The following PLA2G4A variants were observed in gnomAD, a reference collection of about 807,000 sequenced individuals.
PLA2G4A encodes the protein cytosolic phospholipase A2.
Under a neutral mutation model 81.9 loss-of-function variants are expected in PLA2G4A, and 40 were observed. The ratio of observed to expected loss-of-function variants is 0.49; its 90% CI spans 0.38 to 0.64. The LOEUF (loss-of-function observed/expected upper bound fraction) is 0.64, where lower values mean the gene tolerates loss of function less well. Ranked by LOEUF, PLA2G4A falls within the 30% of genes least tolerant of loss-of-function variation. PLA2G4A has a pLI of 0.00. For synonymous variants in PLA2G4A, 302 were observed against 296.9 expected (o/e 1.02, Z -0.18); for missense variants, 715 against 905.1 (o/e 0.79, Z 2.69).
chr1:186,870,418 T>C lies in PLA2G4A; in HGVS notation c.34-17T>C. 2.0e-6 allele frequency: 3 copies of C among 1,463,656 alleles called. No homozygotes were observed. The highest frequency in any genetic ancestry group is 2.9e-6 in the Non-Finnish European group (3 of 1,042,976). 90.7% of individuals were successfully genotyped at this position (1,463,656 alleles called of 1,614,324 possible). ...TGTTGGAAGCTTATTTTAAATTTAC[T>C]GTCATTTTATTTCCAGGTGGAGCAC... is the stretch of plus-strand genomic sequence containing the variant. On this transcript the variant is annotated splice_polypyrimidine_tract_variant and intron_variant, in intron 2 of 17. Transcript: ENST00000367466.
At chr1:186,971,426 T>C (rs1353763399) in intron 15 of PLA2G4A, among the ~76,000 whole-genome samples, 1 of 152,014 alleles carries the variant, frequency 6.6e-6, no homozygotes, top group Non-Finnish European at 1.5e-5. Context: ...TTTCTTCCCG[T>C]GCCTTTCTCC....
chr1:186,928,989 T>C (rs1655648706), intron 7 of PLA2G4A, among the ~76,000 whole-genome samples: 1 of 152,242 alleles, frequency 6.6e-6, no homozygotes, highest in Admixed American at 6.5e-5. Flanking sequence ...AACTTTCGTG[T>C]TATTTCTTTG....
chr1:186,903,708 T>A (rs147352933), intron 5 of PLA2G4A, among the ~76,000 whole-genome samples: 5 of 152,310 alleles, frequency 3.3e-5, no homozygotes, highest in African/African-American at 1.2e-4. Flanking sequence ...CACCCCCACA[T>A]GGAAGGCTTA....
At chr1:186,837,582 A>C (rs1401738358) in intron 1 of PLA2G4A, among the ~76,000 whole-genome samples, 1 of 150,440 alleles carries the variant, frequency 6.6e-6, no homozygotes, top group African/African-American at 2.5e-5. Context: ...AAAAAAATAC[A>C]AAAAATTAGC....
intron 14 of PLA2G4A, among the ~76,000 whole-genome samples, chr1:186,956,697 A>G (rs1292013887): frequency 6.6e-6 from 1 of 152,000 alleles, no homozygotes; most frequent in Admixed American, 6.6e-5. Context: ...TAGTTTTTGT[A>G]GAGACAGGTT....
At chr1:186,866,658 T>C (rs1186250534) in intron 2 of PLA2G4A, among the ~76,000 whole-genome samples, 8 of 152,128 alleles carry the variant, frequency 5.3e-5, no homozygotes, top group African/African-American at 1.9e-4. Flanking sequence ...AAATAATGGA[T>C]AAAAAATATT....
At chr1:186,833,548 G>A (rs905980947) in intron 1 of PLA2G4A, among the ~76,000 whole-genome samples, 10 of 152,210 alleles carry the variant, frequency 6.6e-5, no homozygotes, top group Non-Finnish European at 1.5e-4. Flanking sequence ...GTTGGTTCTG[G>A]AGTTCTTTCC....
intron 15 of PLA2G4A, among the ~76,000 whole-genome samples, chr1:186,972,415 T>C (rs1026291366): frequency 6.6e-6 from 1 of 152,100 alleles, no homozygotes; most frequent in African/African-American, 2.4e-5. Context: ...TACTCAAGCA[T>C]GCAAAATTAA....
At chr1:186,981,237 T>G (rs1657708574) in intron 17 of PLA2G4A, among the ~76,000 whole-genome samples, 1 of 152,184 alleles carries the variant, frequency 6.6e-6, no homozygotes. Flanking sequence ...AAAAAACAGA[T>G]TGTAGGAATA....
chr1:186,966,883 G>T (rs1657151846), intron 15 of PLA2G4A, among the ~76,000 whole-genome samples: 12 of 152,112 alleles, frequency 7.9e-5, no homozygotes. Context: ...CTAGAACTCT[G>T]TTCTCTGTCT....
chr1:186,889,725 T>A (rs986823036), intron 3 of PLA2G4A, among the ~76,000 whole-genome samples: 5 of 152,020 alleles, frequency 3.3e-5, no homozygotes, highest in Admixed American at 1.3e-4. Context: ...TCAGAAACTA[T>A]TATTTTTGCT....
At chr1:186,851,140 T>C (rs890779030) in intron 1 of PLA2G4A, among the ~76,000 whole-genome samples, 4 of 152,020 alleles carry the variant, frequency 2.6e-5, no homozygotes, top group African/African-American at 7.2e-5. Flanking sequence ...CCATAACCAA[T>C]GGTGTTTTCA....
chr1:186,869,469 T>C (rs1653160305), intron 2 of PLA2G4A, among the ~76,000 whole-genome samples: 1 of 152,208 alleles, frequency 6.6e-6, no homozygotes, highest in African/African-American at 2.4e-5. Context: ...GATGGAGTGA[T>C]TTCTACAGAA....
rs543690151 is a variant in PLA2G4A, at chr1:186,837,231, A to G, written c.-70+8196A>G. On this transcript the variant is annotated intron_variant, in intron 1 of 17. Transcript: ENST00000367466. ...AGGTTCAATGGAGTGGTGGGAGTAG[A>G]CAGAAGAAGGAAGAAGGAATTTACA... is the stretch of plus-strand genomic sequence containing the variant. Among the ~76,000 whole-genome samples, 3 of 152,236 alleles carry G rather than the reference A, an allele frequency of 2.0e-5. No individual in the cohort carries two copies. The East Asian group carries it at 5.8e-4, about 29-fold the overall frequency.
chr1:186,945,297 G>A (rs904773183), intron 10 of PLA2G4A, among the ~76,000 whole-genome samples: 1 of 152,136 alleles, frequency 6.6e-6, no homozygotes, highest in Non-Finnish European at 1.5e-5. Context: ...AAATGTGATA[G>A]AACATTGTTA....
At chr1:186,889,235 A>T (rs950760630) in intron 3 of PLA2G4A, among the ~76,000 whole-genome samples, 1 of 152,174 alleles carries the variant, frequency 6.6e-6, no homozygotes, top group East Asian at 1.9e-4. Context: ...TAGAAATGAG[A>T]ATGACTGGCT....
chr1:186,945,270 G>A (rs1321783354), intron 10 of PLA2G4A, among the ~76,000 whole-genome samples: 1 of 152,154 alleles, frequency 6.6e-6, no homozygotes. Context: ...CTGAAGTGAA[G>A]TGGGATACGC....
chr1:186,893,235 G>A, intron 4 of PLA2G4A, 76 bp downstream of exon 4: 1 of 1,254,030 alleles, frequency 8.0e-7, no homozygotes. Flanking sequence ...TCCTTTTACT[G>A]CCTTTTTGTT....
intron 10 of PLA2G4A, among the ~76,000 whole-genome samples, chr1:186,943,642 C>T (rs542748387): frequency 1.2e-4 from 18 of 151,866 alleles, no homozygotes; most frequent in Non-Finnish European, 1.9e-4. Flanking sequence ...CTATCAAGTA[C>T]GGGTAAAAAG....
Sources: allele counts gnomAD v4.1 joint callset (sites outside exome capture counted in the v4.1 genomes callset), GRCh38; gene constraint gnomAD v4.1.1; transcripts MANE v1.5; gene names NCBI Gene and HGNC (gene_info 2026-07-23, HGNC 2026-07-21).